Variants in PEAK1 observed in about 807,000 individuals in gnomAD.
The protein encoded by PEAK1 is pseudopodium enriched atypical kinase 1.
A neutral mutation model predicts 124.7 loss-of-function variants in PEAK1; 54 were observed. The ratio of observed to expected loss-of-function variants is 0.43; its 90% CI spans 0.35 to 0.54. PEAK1 has a LOEUF of 0.54. Among genes scored for constraint, PEAK1 ranks in the 20% least tolerant of loss-of-function variants. The pLI, the probability that PEAK1 is intolerant of heterozygous loss-of-function variation, is 0.01. For synonymous variants in PEAK1, 719 were observed against 760.0 expected (o/e 0.95, Z 0.89); for missense variants, 2,046 against 2,134.5 (o/e 0.96, Z 0.82).
At chr15:77,280,190 A>C (rs544864834) in intron 5 of PEAK1, among the ~76,000 whole-genome samples, 4 of 152,154 alleles carry the variant, frequency 2.6e-5, no homozygotes, top group African/African-American at 9.6e-5. Context: ...AAATACACAA[A>C]ATTAGCTGGG....
chr15:77,345,155 T>G (rs2066794020), intron 2 of PEAK1, among the ~76,000 whole-genome samples: 1 of 152,220 alleles, frequency 6.6e-6, no homozygotes, highest in Non-Finnish European at 1.5e-5. Flanking sequence ...CACCATTGAT[T>G]AAGATGTTAG....
chr15:77,215,150 A>G (rs1032268233), intron 6 of PEAK1, among the ~76,000 whole-genome samples: 3 of 152,206 alleles, frequency 2.0e-5, no homozygotes, highest in African/African-American at 4.8e-5. Flanking sequence ...TTTGTCAGAT[A>G]AGTGATGTTA....
intron 1 of PEAK1, chr15:77,417,444 T>C (rs1003433616): frequency 4.1e-6 from 1 of 241,932 alleles, no homozygotes; most frequent in East Asian, 8.0e-4. Context: ...GAGAGTGGGG[T>C]GGGGGGATGC....
chr15:77,357,604 T>C (rs2067603542), intron 2 of PEAK1, among the ~76,000 whole-genome samples: 1 of 152,198 alleles, frequency 6.6e-6, no homozygotes, highest in African/African-American at 2.4e-5. Context: ...AGTAGAACAG[T>C]AAATTCTCAC....
chr15:77,245,471 G>A (rs995628492), intron 6 of PEAK1, among the ~76,000 whole-genome samples: 2 of 152,174 alleles, frequency 1.3e-5, no homozygotes, highest in Non-Finnish European at 2.9e-5. Flanking sequence ...GGCCAAGGCA[G>A]GCGGATTGCC....
At chr15:77,257,692 AT>A (rs1161746863) in intron 5 of PEAK1, among the ~76,000 whole-genome samples, 1 of 151,572 alleles carries the variant, frequency 6.6e-6, no homozygotes, top group African/African-American at 2.4e-5. Flanking sequence ...GTTCACTCTG[AT>A]GGTAGTTTCT....
intron 1 of PEAK1, among the ~76,000 whole-genome samples, chr15:77,408,724 G>T (rs920487168): frequency 6.6e-6 from 1 of 152,036 alleles, no homozygotes; most frequent in Admixed American, 6.6e-5. Flanking sequence ...AGCACGCCTA[G>T]AAAGAAGGCA....
chr15:77,286,934 CA>C (rs2062960639), intron 2 of PEAK1, among the ~76,000 whole-genome samples: 1 of 151,970 alleles, frequency 6.6e-6, no homozygotes, highest in African/African-American at 2.4e-5. Flanking sequence ...TTTGATAATC[CA>C]AAAGAAGCTA....
chr15:77,224,803 A>G (rs1211470192), intron 6 of PEAK1, among the ~76,000 whole-genome samples: 1 of 151,826 alleles, frequency 6.6e-6, no homozygotes, highest in Non-Finnish European at 1.5e-5. Flanking sequence ...GTATGGAGAG[A>G]GGTGTTTCAA....
chr15:77,408,540 T>TA (rs1268023726), intron 1 of PEAK1, among the ~76,000 whole-genome samples: 59 of 149,336 alleles, frequency 4.0e-4, no homozygotes, highest in African/African-American at 5.6e-4. Context: ...AAATAAAAAT[T>TA]TAAAAAAAAA....
At chr15:77,367,283 A>G (rs1328976579) in intron 1 of PEAK1, among the ~76,000 whole-genome samples, 1 of 152,194 alleles carries the variant, frequency 6.6e-6, no homozygotes, top group African/African-American at 2.4e-5. Flanking sequence ...TGTACTGTCT[A>G]CTCAATTTTT....
chr15:77,393,621 A>C (rs2141946481), intron 1 of PEAK1, among the ~76,000 whole-genome samples: 1 of 152,334 alleles, frequency 6.6e-6, no homozygotes, highest in Admixed American at 6.5e-5. Flanking sequence ...AATAATCAGC[A>C]GTGTTAGCTA....
intron 5 of PEAK1, chr15:77,278,747 A>G (rs1597076519): frequency 2.1e-6 from 1 of 486,184 alleles, no homozygotes; most frequent in East Asian, 5.4e-5. Flanking sequence ...AAGCACGTGC[A>G]TTTTTGATAA....
chr15:77,118,431 A>G lies in PEAK1; in HGVS notation c.4078-3112T>C, dbSNP rs557620547. On this transcript the variant is annotated intron_variant, in intron 9 of 9. Coordinates refer to ENST00000682557, the MANE Select transcript of PEAK1 (RefSeq NM_001385026.1). ...TAATAACTCCTTTAGTTAAAAAAAA[A>G]ACCTCAAAATGACCTGACTTCAGAT... 5.3e-5 allele frequency among the ~76,000 whole-genome samples: 8 copies of G among 152,300 alleles called. No individual in the cohort carries two copies. The East Asian group carries it at 1.5e-3, about 29-fold the overall frequency.
At chr15:77,256,886 C>T (rs1176234721) in intron 5 of PEAK1, among the ~76,000 whole-genome samples, 1 of 151,014 alleles carries the variant, frequency 6.6e-6, no homozygotes, top group Non-Finnish European at 1.5e-5. Context: ...CTCCCCCCAC[C>T]CCACAACAGT....
At chr15:77,140,733 T>A (rs1270508621) in intron 8 of PEAK1, among the ~76,000 whole-genome samples, 1 of 151,890 alleles carries the variant, frequency 6.6e-6, no homozygotes, top group Non-Finnish European at 1.5e-5. Context: ...TCTTTTTCTT[T>A]GTGTCTTTTT....
chr15:77,343,074 G>A (rs570024622), intron 2 of PEAK1, among the ~76,000 whole-genome samples: 19 of 152,200 alleles, frequency 1.2e-4, no homozygotes, highest in African/African-American at 2.4e-4. Flanking sequence ...TTATATTCTC[G>A]TCAACAACAA....
chr15:77,219,055 T>C (rs2152875404), intron 6 of PEAK1, among the ~76,000 whole-genome samples: 1 of 152,240 alleles, frequency 6.6e-6, no homozygotes, highest in Admixed American at 6.5e-5. Context: ...AGAGTATGGC[T>C]AATGAAATAT....
chr15:77,331,534 G>A (rs2065891120), intron 2 of PEAK1, among the ~76,000 whole-genome samples: 1 of 152,158 alleles, frequency 6.6e-6, no homozygotes, highest in South Asian at 2.1e-4. Flanking sequence ...GCACAGCTCT[G>A]ATAATTTCTC....
Sources: allele counts gnomAD v4.1 joint callset (sites outside exome capture counted in the v4.1 genomes callset), GRCh38; gene constraint gnomAD v4.1.1; transcripts MANE v1.5; gene names NCBI Gene and HGNC (gene_info 2026-07-23, HGNC 2026-07-21).